Variants in CDCP1 observed in about 807,000 individuals in gnomAD.
CDCP1 encodes the protein CUB domain-containing protein 1.
Under a neutral mutation model 60.2 loss-of-function variants are expected in CDCP1, and 29 were observed. The observed-to-expected ratio is 0.48, with a 90% CI of 0.36 to 0.66. CDCP1 has a LOEUF of 0.66. Ranked by LOEUF, CDCP1 falls within the 30% of genes least tolerant of loss-of-function variation. The pLI, the probability that CDCP1 is intolerant of heterozygous loss-of-function variation, is 0.00. For missense variants in CDCP1, 876 were observed against 1,074.3 expected (o/e 0.82, Z 2.58); for synonymous variants, 387 against 431.1 (o/e 0.90, Z 1.27).
At chr3:45,134,668 G>A (rs1699164196) in intron 1 of CDCP1, among the ~76,000 whole-genome samples, 1 of 152,196 alleles carries the variant, frequency 6.6e-6, no homozygotes, top group Non-Finnish European at 1.5e-5. Context: ...ATGGCAAACA[G>A]GTTTCTGAAT....
chr3:45,124,749 G>A (rs1426018511), intron 1 of CDCP1, among the ~76,000 whole-genome samples: 2 of 152,136 alleles, frequency 1.3e-5, no homozygotes, highest in Non-Finnish European at 2.9e-5. Flanking sequence ...TAGGGGCCAG[G>A]TTTGCAAAAT....
intron 1 of CDCP1, among the ~76,000 whole-genome samples, chr3:45,138,488 A>C (rs145974607): frequency 1.8e-3 from 279 of 152,310 alleles, no homozygotes; most frequent in African/African-American, 6.5e-3. Flanking sequence ...CAAATAATCA[A>C]AGTGTCTTAG....
At position 45,108,321 on chromosome 3, in the gene CDCP1, C is replaced by T. The variant is rs74380499; in HGVS notation, c.1024+2152G>A. Among the ~76,000 whole-genome samples, 1,514 of 152,250 alleles carry T rather than the reference C, an allele frequency of 9.9e-3. 12 individuals are homozygous for T. The highest frequency in any genetic ancestry group is 0.017 in the Middle Eastern group (5 of 294). Reference sequence around the variant, plus strand: ...AAAGATATTTCTGCCGCCAAGTCCACTCACTCCGCTAGAAACAGTGCAAAG... The same window carrying T: ...AAAGATATTTCTGCCGCCAAGTCCATTCACTCCGCTAGAAACAGTGCAAAG... On this transcript the variant is annotated intron_variant, in intron 4 of 8. Coordinates refer to ENST00000296129, the MANE Select transcript of CDCP1 (RefSeq NM_022842.5).
In CDCP1 at chr3:45,118,560, G is replaced by T. The variant is rs761184747; in HGVS notation, c.144C>A (p.Thr48=). The T allele has an allele frequency of 4.3e-6, 7 of 1,614,122 alleles. No individual in the cohort carries two copies. The highest frequency in any genetic ancestry group is 5.9e-6 in the Non-Finnish European group (7 of 1,180,026). ...SNITVLIKLG[T]PTLLAKPCYI... Reference sequence around the variant, plus strand: ...AACAGGGTTTTGCCAGCAGAGTCGGGGTCCCCAGCTTTATGAGAACTGTAA... The same window carrying T: ...AACAGGGTTTTGCCAGCAGAGTCGGTGTCCCCAGCTTTATGAGAACTGTAA... The change falls in exon 2 of 9, where the codon ACC becomes ACA. Residue 48 remains threonine (T), a synonymous_variant. Coordinates refer to ENST00000296129, the MANE Select transcript of CDCP1 (RefSeq NM_022842.5).
intron 1 of CDCP1, among the ~76,000 whole-genome samples, chr3:45,133,418 A>G (rs13076606): frequency 0.13 from 17,767 of 141,690 alleles, 1,356 homozygotes; most frequent in East Asian, 0.28. Context: ...CAGCAATAGA[A>G]AACCAATACA....
At chr3:45,108,075 A>G (rs898030897) in intron 4 of CDCP1, among the ~76,000 whole-genome samples, 1 of 151,960 alleles carries the variant, frequency 6.6e-6, no homozygotes, top group African/African-American at 2.4e-5. Flanking sequence ...CTGAGAGCCG[A>G]GATCACGCCA....
intron 8 of CDCP1, among the ~76,000 whole-genome samples, chr3:45,086,658 T>C (rs1442958640): frequency 1.3e-5 from 2 of 152,232 alleles, no homozygotes; most frequent in African/African-American, 4.8e-5. Flanking sequence ...AGTGCCTCAG[T>C]AGTCACCCCC....
intron 2 of CDCP1, among the ~76,000 whole-genome samples, chr3:45,113,239 T>C (rs922842223): frequency 1.3e-5 from 2 of 152,250 alleles, no homozygotes; most frequent in Non-Finnish European, 2.9e-5. Context: ...AGCTGGAATC[T>C]GGCGGCGCCA....
intron 4 of CDCP1, among the ~76,000 whole-genome samples, chr3:45,108,314 A>G (rs143378847): frequency 0.02 from 2,989 of 152,226 alleles, 38 homozygotes; most frequent in Non-Finnish European, 0.029. Flanking sequence ...TTCTGCCGCC[A>G]AGTCCACTCA....
At chr3:45,126,637 A>G (rs990149683) in intron 1 of CDCP1, among the ~76,000 whole-genome samples, 2 of 152,192 alleles carry the variant, frequency 1.3e-5, no homozygotes, top group African/African-American at 2.4e-5. Flanking sequence ...CCTTCACATA[A>G]GAAAGAACTA....
chr3:45,126,157 T>TCTTTCTTC (rs1698989114), intron 1 of CDCP1, among the ~76,000 whole-genome samples: 1 of 144,988 alleles, frequency 6.9e-6, no homozygotes, highest in African/African-American at 2.6e-5. Context: ...TTTCTTTCTT[T>TCTTTCTTC]CTTTCTTTCT....
rs1698300188 is a variant in CDCP1, at chr3:45,091,755, A to G, written c.1628-217T>C. ...GAAATGTGCCCAGCATGACCAAAGA[A>G]CTGCATTTTAAATTTGTTTCATGTT... On this transcript the variant is annotated intron_variant, in intron 6 of 8. Coordinates refer to ENST00000296129, the MANE Select transcript of CDCP1 (RefSeq NM_022842.5). The surrounding 1 kb of genome is among the most constrained non-coding windows in gnomAD (Gnocchi z 4.8). Among the ~76,000 whole-genome samples the G allele has an allele frequency of 6.6e-6, 1 of 152,126 alleles. No individual in the cohort carries two copies. The highest frequency in any genetic ancestry group is 2.4e-5 in the African/African-American group (1 of 41,438).
At chr3:45,117,436 G>A (rs1173885332) in intron 2 of CDCP1, among the ~76,000 whole-genome samples, 1 of 152,034 alleles carries the variant, frequency 6.6e-6, no homozygotes, top group Non-Finnish European at 1.5e-5. Flanking sequence ...AGAAAACTAA[G>A]GCATTACGCA....
intron 1 of CDCP1, 28 bp from the exon 2 acceptor site, chr3:45,118,649 G>C (rs747353668): frequency 1.2e-6 from 2 of 1,600,466 alleles, no homozygotes; most frequent in Non-Finnish European, 1.7e-6. Flanking sequence ...AATGAAGTAA[G>C]CAGGATGATT....
chr3:45,108,533 G>A (rs2125995839), intron 4 of CDCP1, among the ~76,000 whole-genome samples: 2 of 151,892 alleles, frequency 1.3e-5, no homozygotes, highest in African/African-American at 4.8e-5. Context: ...ATTCCACCAT[G>A]ACTGAGGTGA....
chr3:45,112,397 G>A lies in CDCP1; in HGVS notation c.341C>T (p.Ser114Leu), dbSNP rs554995721. ...CPFGEVQLQP[S>L]TSLLPTLNRT... ...GTTGAGGGTAGGCAACAACGATGTC[G>A]AGGGCTGAAGCTGAACCTCCCCAAA... Residue 114 changes from serine to leucine, a missense_variant, in exon 3 of 9, where the codon TCG (serine) becomes TTG (leucine). Physicochemically the swap from Ser to Leu is moderately radical, Grantham distance 145. Coordinates refer to ENST00000296129, the MANE Select transcript of CDCP1 (RefSeq NM_022842.5). 9.9e-6 allele frequency: 16 copies of A among 1,614,092 alleles called. No homozygotes were observed. Among genetic ancestry groups the A allele is most frequent in the African/African-American group, 2.7e-5 (2 of 74,930 alleles).
chr3:45,124,882 C>T (rs1006813034), intron 1 of CDCP1, among the ~76,000 whole-genome samples: 15 of 152,192 alleles, frequency 9.9e-5, no homozygotes, highest in Non-Finnish European at 2.1e-4. Context: ...AATGATTTCT[C>T]CCAACCTTTA....
At chr3:45,131,375 G>A (rs1372358226) in intron 1 of CDCP1, among the ~76,000 whole-genome samples, 1 of 152,070 alleles carries the variant, frequency 6.6e-6, no homozygotes, top group African/African-American at 2.4e-5. Context: ...TCACACTGTT[G>A]TGCAACCATT....
chr3:45,103,129 T>C (rs1457807018), intron 4 of CDCP1, among the ~76,000 whole-genome samples: 1 of 152,174 alleles, frequency 6.6e-6, no homozygotes, highest in Admixed American at 6.6e-5. Flanking sequence ...TCTTTTCCAG[T>C]CAGTTTCCCC....
Sources: allele counts gnomAD v4.1 joint callset (sites outside exome capture counted in the v4.1 genomes callset), GRCh38; gene constraint gnomAD v4.1.1; non-coding constraint Gnocchi (gnomAD v3.1); transcripts MANE v1.5; gene names NCBI Gene and HGNC (gene_info 2026-07-23, HGNC 2026-07-21).